CCDC178: variants seen among roughly 807,000 people sequenced by gnomAD.
The protein encoded by CCDC178 is coiled-coil domain-containing protein 178.
A neutral mutation model predicts 117.4 loss-of-function variants in CCDC178; 126 were observed. The observed-to-expected ratio is 1.07, with a 90% CI of 0.93 to 1.24. The LOEUF (loss-of-function observed/expected upper bound fraction) is 1.24, where lower values mean the gene tolerates loss of function less well. Ranked by LOEUF, CCDC178 falls within the 50% of genes most tolerant of loss-of-function variation. CCDC178 has a pLI of 0.00. For synonymous variants in CCDC178, 283 were observed against 313.4 expected (o/e 0.90, Z 1.02); for missense variants, 1,030 against 986.9 (o/e 1.04, Z -0.59).
chr18:33,341,171 T>C (rs2062812793), intron 9 of CCDC178, among the ~76,000 whole-genome samples: 2 of 151,952 alleles, frequency 1.3e-5, no homozygotes, highest in South Asian at 2.1e-4. Flanking sequence ...GAGATCATTT[T>C]GGAGCCTTAA....
At chr18:33,064,791 T>C (rs1175355241) in intron 21 of CCDC178, among the ~76,000 whole-genome samples, 2 of 152,034 alleles carry the variant, frequency 1.3e-5, no homozygotes, top group African/African-American at 2.4e-5. Flanking sequence ...CTATTTACAA[T>C]AGCCAAAATA....
chr18:33,267,109 C>G (rs1443972482), intron 13 of CCDC178, 57 bp from the exon 14 acceptor site: 1 of 1,530,728 alleles, frequency 6.5e-7, no homozygotes, highest in Non-Finnish European at 8.8e-7. Flanking sequence ...AAAGGCAAAA[C>G]CTATAATAAT....
chr18:33,036,531 A>C (rs9966886), intron 21 of CCDC178, among the ~76,000 whole-genome samples: 22,964 of 151,834 alleles, frequency 0.15, 2,579 homozygotes, highest in African/African-American at 0.32. Context: ...ATTTGCACTG[A>C]GCCTCAAAGG....
intron 12 of CCDC178, among the ~76,000 whole-genome samples, chr18:33,287,730 G>C (rs921924391): frequency 2.6e-5 from 4 of 152,136 alleles, no homozygotes; most frequent in Non-Finnish European, 2.9e-5. Flanking sequence ...AGTGAGCCCA[G>C]ATCATGCCAC....
At chr18:33,251,575 A>C (rs777186782) in intron 14 of CCDC178, among the ~76,000 whole-genome samples, 2 of 151,694 alleles carry the variant, frequency 1.3e-5, no homozygotes, top group Non-Finnish European at 3.0e-5. Flanking sequence ...AAGTCCTTCG[A>C]GTGTCTCCCT....
intron 21 of CCDC178, among the ~76,000 whole-genome samples, chr18:33,030,645 AGATAGAT>A (rs1328428188): frequency 2.0e-5 from 3 of 152,152 alleles, no homozygotes; most frequent in Admixed American, 6.6e-5. Context: ...ATCAATAGAT[AGATAGAT>A]GATAGATGAT....
intron 20 of CCDC178, among the ~76,000 whole-genome samples, chr18:33,103,287 C>T (rs2057657075): frequency 6.6e-6 from 1 of 151,584 alleles, no homozygotes; most frequent in Admixed American, 6.6e-5. Context: ...ACCATGAGAA[C>T]AGTATGGGGG....
At chr18:33,029,761 A>C (rs375452266) in intron 21 of CCDC178, among the ~76,000 whole-genome samples, 2 of 151,766 alleles carry the variant, frequency 1.3e-5, no homozygotes, top group African/African-American at 4.8e-5. Context: ...CTGTTTTTTC[A>C]GGAGTGTATT....
chr18:33,042,727 G>T (rs1026565413), intron 21 of CCDC178, among the ~76,000 whole-genome samples: 1 of 151,888 alleles, frequency 6.6e-6, no homozygotes, highest in Non-Finnish European at 1.5e-5. Flanking sequence ...TATGACAGTT[G>T]CAACTTACTT....
intron 11 of CCDC178, among the ~76,000 whole-genome samples, chr18:33,310,220 A>C (rs2062320339): frequency 6.6e-6 from 1 of 152,092 alleles, no homozygotes; most frequent in East Asian, 1.9e-4. Flanking sequence ...CGGCCTCCCA[A>C]AATGCTGGGA....
At chr18:33,182,208 A>T (rs1338411947) in intron 20 of CCDC178, among the ~76,000 whole-genome samples, 1 of 151,936 alleles carries the variant, frequency 6.6e-6, no homozygotes, top group East Asian at 1.9e-4. Flanking sequence ...CATTAGACAC[A>T]GTTCCTTCAA....
intron 21 of CCDC178, among the ~76,000 whole-genome samples, chr18:33,078,455 T>C (rs187032806): frequency 6.6e-6 from 1 of 152,146 alleles, no homozygotes; most frequent in Admixed American, 6.6e-5. Flanking sequence ...GAGAAATAAA[T>C]AAAGGGCATC....
intron 21 of CCDC178, among the ~76,000 whole-genome samples, chr18:33,053,291 A>G (rs2056775681): frequency 6.6e-6 from 1 of 152,184 alleles, no homozygotes; most frequent in South Asian, 2.1e-4. Context: ...ACTCCCTGTA[A>G]CCTGTGGAAA....
At chr18:33,423,328 T>A (rs1256488968) in intron 2 of CCDC178, among the ~76,000 whole-genome samples, 1 of 152,174 alleles carries the variant, frequency 6.6e-6, no homozygotes, top group Non-Finnish European at 1.5e-5. Flanking sequence ...TGTGTAGTGT[T>A]GGGTTAGCTT....
At chr18:33,302,862 T>C (rs895821058) in intron 11 of CCDC178, among the ~76,000 whole-genome samples, 13 of 151,916 alleles carry the variant, frequency 8.6e-5, no homozygotes, top group African/African-American at 3.1e-4. Context: ...GGCTGGGAAA[T>C]GTAGGAGAAA....
rs761388121 is a variant in CCDC178, at chr18:33,389,539, C to T, written c.208+1G>A. 4 of 1,462,822 alleles carry T rather than the reference C, an allele frequency of 2.7e-6. No individual in the cohort carries two copies. The highest frequency in any genetic ancestry group is 1.5e-5 in the South Asian group (1 of 67,878). The allele number at this position is 1,462,822 out of a possible 1,614,324, so 90.6% of individuals were successfully genotyped here. A position where few individuals can be genotyped will look rare whatever the true frequency, so the allele number is the denominator to read the frequency against. The stretch of plus-strand genomic sequence containing the variant: ...CTATATGATTTACATTCAGTCCTCA[C>T]CTTCAGTATTTGTCATTTTACTTTC... On this transcript the variant is annotated splice_donor_variant, in intron 5 of 22. Coordinates refer to ENST00000383096, the MANE Select transcript of CCDC178 (RefSeq NM_001105528.4). LOFTEE classifies it high-confidence loss of function.
At chr18:33,436,873 T>G (rs2064299365) in intron 2 of CCDC178, among the ~76,000 whole-genome samples, 1 of 152,202 alleles carries the variant, frequency 6.6e-6, no homozygotes, top group East Asian at 1.9e-4. Context: ...ACACCAGTAG[T>G]TGTTACAGTC....
At chr18:33,029,389 C>T (rs139824226) in intron 21 of CCDC178, among the ~76,000 whole-genome samples, 11 of 151,626 alleles carry the variant, frequency 7.3e-5, no homozygotes, top group South Asian at 2.1e-4. Context: ...TTTCATATTG[C>T]GTCTTTCTTA....
intron 4 of CCDC178, among the ~76,000 whole-genome samples, chr18:33,394,059 G>T (rs896747997): frequency 1.3e-5 from 2 of 151,844 alleles, no homozygotes; most frequent in African/African-American, 4.8e-5. Flanking sequence ...TTCAAGGTTG[G>T]TATGTGGAAT....
Sources: allele counts gnomAD v4.1 joint callset (sites outside exome capture counted in the v4.1 genomes callset), GRCh38; gene constraint gnomAD v4.1.1; transcripts MANE v1.5; gene names NCBI Gene and HGNC (gene_info 2026-07-23, HGNC 2026-07-21).